The following FNIP1 variants were observed in gnomAD, a reference collection of about 807,000 sequenced individuals.
The protein encoded by FNIP1 is folliculin-interacting protein 1.
Under a neutral mutation model 124.5 loss-of-function variants are expected in FNIP1, and 40 were observed. The observed-to-expected ratio is 0.32, with a 90% CI of 0.25 to 0.42. The LOEUF is 0.42. Ranked by LOEUF, FNIP1 falls within the 10% of genes least tolerant of loss-of-function variation. The pLI is 1.00. For missense variants in FNIP1, 1,176 were observed against 1,403.7 expected, an observed-to-expected ratio of 0.84 and a Z score of 2.59; for synonymous variants, 472 against 470.6, an observed-to-expected ratio of 1.00 and a Z score of -0.04.
Position 131,784,459 on chromosome 5 carries a change from C to T in FNIP1, c.92+12371G>A, listed in dbSNP as rs190850728. ...TATGTATGTGTGTGTGTGTTAAAGA[C>T]CTAAATCTTTAATTATCAGGAAATA... On this transcript the variant is annotated intron_variant, in intron 1 of 17. Coordinates refer to ENST00000510461, the MANE Select transcript of FNIP1 (RefSeq NM_133372.3). Among the ~76,000 whole-genome samples the T allele has an allele frequency of 3.3e-5, 5 of 152,038 alleles. No homozygotes were observed. In the East Asian group the frequency reaches 9.6e-4, roughly 29 times the overall value.
chr5:131,671,967 T>C lies in FNIP1; in HGVS notation c.2477A>G (p.His826Arg), dbSNP rs765075237. 9.3e-6 allele frequency: 15 copies of C among 1,614,132 alleles called. No individual in the cohort carries two copies. Among genetic ancestry groups the C allele is most frequent in the Admixed American group, 5.0e-5 (3 of 60,012 alleles). Residue 826 changes from histidine (H) to arginine (R), a missense_variant, in exon 14 of 18, where the codon CAT becomes CGT. This residue lies in a region of FNIP1 where 1,109 missense variants were observed against 1,288.5 expected (regional missense o/e 0.86). Coordinates refer to ENST00000510461, the MANE Select transcript of FNIP1 (RefSeq NM_133372.3). ...TAAGCTCATGCTTTCTGGGTCTGAA[T>C]GATTCCAACAGGGAAGTTCACAGGG... is the stretch of plus-strand genomic sequence containing the variant. ...EEPCELPCWN[H>R]SDPESMSLFD...
At chr5:131,696,012 T>C (rs572700735) in intron 11 of FNIP1, among the ~76,000 whole-genome samples, 1 of 152,356 alleles carries the variant, frequency 6.6e-6, no homozygotes, top group East Asian at 1.9e-4. Context: ...TTGTATAATT[T>C]ACCTCCTAAA....
At chr5:131,690,596 A>G (rs140090598) in intron 11 of FNIP1, among the ~76,000 whole-genome samples, 2 of 152,246 alleles carry the variant, frequency 1.3e-5, no homozygotes, top group Admixed American at 6.5e-5. Flanking sequence ...CGCCATAATT[A>G]CGAGTTTCCT....
At position 131,735,259 on chromosome 5, in the gene FNIP1, T is replaced by C. The variant is rs182680857; in HGVS notation, c.220-4221A>G. Among the ~76,000 whole-genome samples the C allele has an allele frequency of 3.2e-3, 482 of 152,042 alleles. 3 individuals are homozygous for C. Among genetic ancestry groups the C allele is most frequent in the African/African-American group, 0.011 (459 of 41,442 alleles). On this transcript the variant is annotated intron_variant, in intron 2 of 17. Coordinates refer to ENST00000510461, the MANE Select transcript of FNIP1 (RefSeq NM_133372.3). ...TCACTCATAGGTAGGAATTGAACAA[T>C]GAGAACACTTGGACACACGAAGGGG...
chr5:131,793,793 T>A (rs1474022618), intron 1 of FNIP1, among the ~76,000 whole-genome samples: 1 of 152,180 alleles, frequency 6.6e-6, no homozygotes. Context: ...TACAGTTAGT[T>A]GCCAATGGCT....
At chr5:131,647,233 G>T (rs944426913) in intron 16 of FNIP1, 28 bp from the exon 17 acceptor site, 1 of 1,571,396 alleles carries the variant, frequency 6.4e-7, no homozygotes, top group Non-Finnish European at 8.8e-7. Flanking sequence ...CCAAGAACCA[G>T]GTCAGAAAAC....
Position 131,658,907 on chromosome 5 carries a change from CAAAA to C in FNIP1, c.3109-6912_3109-6909del, listed in dbSNP as rs70974003. Reference sequence around the variant, plus strand: ...CCAGTTTTTAAATCCTGGGTCTAGCCAAAAAAAAAAAAAAAAAAAAAAAAAAAAA... The same window carrying C: ...CCAGTTTTTAAATCCTGGGTCTAGCCAAAAAAAAAAAAAAAAAAAAAAAAA... On this transcript the variant is annotated intron_variant, in intron 15 of 17. Coordinates refer to ENST00000510461, the MANE Select transcript of FNIP1 (RefSeq NM_133372.3). Among the ~76,000 whole-genome samples the C allele has an allele frequency of 4.9e-4, 20 of 41,160 alleles. 1 individual carries two copies. The East Asian group carries it at 7.9e-3, about 16-fold the overall frequency. 27.0% of individuals were successfully genotyped at this position (41,160 alleles called of 152,430 possible). A position where few individuals can be genotyped will look rare whatever the true frequency, so the allele number is the denominator to read the frequency against.
chr5:131,658,063 A>G (rs1241640246), intron 15 of FNIP1, among the ~76,000 whole-genome samples: 5 of 150,858 alleles, frequency 3.3e-5, no homozygotes, highest in South Asian at 2.1e-4. Context: ...AAAAAAAGAT[A>G]TGGATCTTGC....
intron 15 of FNIP1, among the ~76,000 whole-genome samples, chr5:131,666,839 G>C (rs1362151351): frequency 6.6e-6 from 1 of 152,126 alleles, no homozygotes; most frequent in Non-Finnish European, 1.5e-5. Flanking sequence ...CCAACGCCAG[G>C]CTTTCACAGA....
chr5:131,735,069 A>T (rs1580795977), intron 2 of FNIP1, among the ~76,000 whole-genome samples: 1 of 152,172 alleles, frequency 6.6e-6, no homozygotes, highest in East Asian at 1.9e-4. Flanking sequence ...CAAATGTCCA[A>T]CAATGATAGA....
At chr5:131,704,300 A>G in intron 9 of FNIP1, 34 bp from the exon 10 acceptor site, 3 of 1,473,432 alleles carry the variant, frequency 2.0e-6, no homozygotes, top group Non-Finnish European at 1.8e-6. Context: ...TAATTTACAA[A>G]AGTAAAAATA....
At chr5:131,714,332 G>C (rs970149292) in intron 6 of FNIP1, among the ~76,000 whole-genome samples, 1 of 152,092 alleles carries the variant, frequency 6.6e-6, no homozygotes. Context: ...GGGTCTCTCA[G>C]CCTTTCCCAG....
intron 1 of FNIP1, among the ~76,000 whole-genome samples, chr5:131,793,633 C>A (rs746094292): frequency 2.6e-5 from 4 of 152,184 alleles, no homozygotes; most frequent in African/African-American, 7.2e-5. Flanking sequence ...CTGGCCATCT[C>A]TTCCAATGGG....
At chr5:131,704,384 A>G (rs1216516315) in intron 9 of FNIP1, 118 bp from the exon 10 acceptor site, 2 of 753,368 alleles carry the variant, frequency 2.7e-6, no homozygotes, top group African/African-American at 1.8e-5. Context: ...AAACAAACCT[A>G]TAATTTCATA....
chr5:131,702,974 T>C (rs1768952228), intron 10 of FNIP1, among the ~76,000 whole-genome samples: 1 of 152,248 alleles, frequency 6.6e-6, no homozygotes, highest in Non-Finnish European at 1.5e-5. Flanking sequence ...ATCAGTTTCA[T>C]GGCTTTAAAT....
At chr5:131,786,018 A>C (rs1772204676) in intron 1 of FNIP1, among the ~76,000 whole-genome samples, 1 of 152,194 alleles carries the variant, frequency 6.6e-6, no homozygotes, top group Non-Finnish European at 1.5e-5. Flanking sequence ...TATTCTGGAA[A>C]ATGAGGCCAC....
At chr5:131,786,435 AAGTATTCCAAGC>A (rs1229880245) in intron 1 of FNIP1, among the ~76,000 whole-genome samples, 4 of 152,242 alleles carry the variant, frequency 2.6e-5, no homozygotes, top group African/African-American at 9.6e-5. Context: ...GTCACATCCA[AAGTATTCCAAGC>A]AGTTTGCAAA....
At chr5:131,740,983 T>C (rs898434049) in intron 2 of FNIP1, among the ~76,000 whole-genome samples, 4 of 152,120 alleles carry the variant, frequency 2.6e-5, no homozygotes, top group Non-Finnish European at 4.4e-5. Context: ...GTATATGGTG[T>C]AAAAAATGGG....
chr5:131,782,521 C>T (rs952922730), intron 1 of FNIP1, among the ~76,000 whole-genome samples: 7 of 151,842 alleles, frequency 4.6e-5, no homozygotes, highest in African/African-American at 1.2e-4. Context: ...GCCAAGATTA[C>T]GCCACTGCAC....
Sources: allele counts gnomAD v4.1 joint callset (sites outside exome capture counted in the v4.1 genomes callset), GRCh38; gene constraint gnomAD v4.1.1; regional missense constraint gnomAD v4.1.1; transcripts MANE v1.5; gene names NCBI Gene and HGNC (gene_info 2026-07-23, HGNC 2026-07-21).